The following CPEB4 variants were observed in gnomAD, a reference collection of about 807,000 sequenced individuals.
CPEB4 encodes the protein cytoplasmic polyadenylation element-binding protein 4.
Under a neutral mutation model 72.5 loss-of-function variants are expected in CPEB4, and 12 were observed. The observed-to-expected ratio is 0.17, with a 90% CI of 0.11 to 0.27. The LOEUF is 0.27. Among genes scored for constraint, CPEB4 ranks in the 10% least tolerant of loss-of-function variants. CPEB4 has a pLI of 1.00. For synonymous variants in CPEB4, 302 were observed against 326.3 expected, an observed-to-expected ratio of 0.93 and a Z score of 0.80; for missense variants, 614 against 908.5, an observed-to-expected ratio of 0.68 and a Z score of 4.17.
chr5:173,921,621 G>A (rs532032856), intron 2 of CPEB4, among the ~76,000 whole-genome samples: 154 of 152,260 alleles, frequency 1.0e-3, no homozygotes, highest in African/African-American at 3.5e-3. Flanking sequence ...GCCATCTGAC[G>A]AGATGGGTGC....
chr5:173,936,040 T>A (rs1434509851), intron 3 of CPEB4, among the ~76,000 whole-genome samples: 4 of 152,232 alleles, frequency 2.6e-5, no homozygotes, highest in Admixed American at 2.6e-4. Flanking sequence ...TTTTTCAATT[T>A]ATTGCTGTGT....
intron 2 of CPEB4, among the ~76,000 whole-genome samples, chr5:173,923,547 A>G (rs1232975228): frequency 2.0e-5 from 3 of 152,180 alleles, no homozygotes; most frequent in Non-Finnish European, 4.4e-5. Context: ...TTCTTTTAAT[A>G]TATGTCTCTT....
chr5:173,953,316 C>A, intron 9 of CPEB4, 44 bp downstream of exon 9: 1 of 1,368,704 alleles, frequency 7.3e-7, no homozygotes, highest in Non-Finnish European at 9.8e-7. Context: ...AAATGGTCCT[C>A]TAAATGTGTG....
chr5:173,937,111 C>T (rs898030586), intron 3 of CPEB4, among the ~76,000 whole-genome samples: 4 of 147,272 alleles, frequency 2.7e-5, no homozygotes, highest in Non-Finnish European at 4.5e-5. Context: ...GGCTCCATCT[C>T]GGCTCACTGT....
At chr5:173,933,387 C>T (rs1396519909) in intron 3 of CPEB4, among the ~76,000 whole-genome samples, 1 of 152,102 alleles carries the variant, frequency 6.6e-6, no homozygotes, top group Non-Finnish European at 1.5e-5. Context: ...ATAACTGGAT[C>T]TCCTTTTGAA....
rs756858481 is a variant in CPEB4, at chr5:173,950,015, A to G, written c.1602A>G (p.Ala534=). The G allele has an allele frequency of 6.2e-7, 1 of 1,612,502 alleles. No homozygotes were observed. The highest frequency in any genetic ancestry group is 2.2e-5 in the East Asian group (1 of 44,768). Reference sequence around the variant, plus strand: ...GCTCTGTGCAGGCTCTCATTGATGCATGCATTGAAGAAGATGGAAAACTCT... The same window carrying G: ...GCTCTGTGCAGGCTCTCATTGATGCGTGCATTGAAGAAGATGGAAAACTCT... The part of the protein sequence containing the change: ...DESSVQALID[A]CIEEDGKLYL... The change falls in exon 7 of 10, where the codon GCA becomes GCG. Residue 534 remains alanine, a synonymous_variant. Transcript: ENST00000265085. This position sits in a 1 kb window ranked among gnomAD's most constrained non-coding sequence, Gnocchi z 5.0.
At chr5:173,945,194 A>G in intron 5 of CPEB4, 54 bp downstream of exon 5, 1 of 1,465,270 alleles carries the variant, frequency 6.8e-7, no homozygotes, top group South Asian at 1.2e-5. Flanking sequence ...CATAGTAGGA[A>G]ACTCACAGAT....
chr5:173,946,620 T>A (rs982518881), intron 5 of CPEB4, among the ~76,000 whole-genome samples: 3 of 152,170 alleles, frequency 2.0e-5, no homozygotes, highest in African/African-American at 7.2e-5. Flanking sequence ...CCTGCAAGGT[T>A]AGGGGCATAG....
chr5:173,945,447 T>C (rs1225720637), intron 5 of CPEB4, among the ~76,000 whole-genome samples: 1 of 152,056 alleles, frequency 6.6e-6, no homozygotes, highest in Non-Finnish European at 1.5e-5. Context: ...TGTCTGTGTG[T>C]GCTACTTTGG....
rs1339187368 is a variant in CPEB4, at chr5:173,958,442, T to C, written c.*2305T>C. 1 of 152,164 alleles carries C rather than the reference T, an allele frequency of 6.6e-6. No individual in the cohort carries two copies. Among genetic ancestry groups the C allele is most frequent in the Non-Finnish European group, 1.5e-5 (1 of 67,944 alleles). 9.4% of individuals were successfully genotyped at this position (152,164 alleles called of 1,614,324 possible). On this transcript the variant is annotated 3_prime_UTR_variant, in exon 10 of 10. Coordinates refer to ENST00000265085, the MANE Select transcript of CPEB4 (RefSeq NM_030627.4). ...ATACTTCATTTTTTAATATAAATAATTTTAATAAATTTTATTTTCTTATAT... is the reference window on the plus strand; with the variant it reads ...ATACTTCATTTTTTAATATAAATAACTTTAATAAATTTTATTTTCTTATAT...
chr5:173,959,556 G>A lies in CPEB4; in HGVS notation c.*3419G>A, dbSNP rs991605564. 1.3e-5 allele frequency: 2 copies of A among 152,704 alleles called. No individual in the cohort carries two copies. The highest frequency in any genetic ancestry group is 4.8e-5 in the African/African-American group (2 of 41,444). The allele number at this position is 152,704 out of a possible 1,614,324, so 9.5% of individuals were successfully genotyped here. ...TGTGCAATACTTATTTCAAACTTTT[G>A]AAAGATCTTTGCAGTGTAATTCTTT... On this transcript the variant is annotated 3_prime_UTR_variant, in exon 10 of 10. Transcript: ENST00000265085.
intron 1 of CPEB4, among the ~76,000 whole-genome samples, chr5:173,899,844 G>A (rs959162541): frequency 7.2e-5 from 11 of 152,184 alleles, no homozygotes; most frequent in Admixed American, 7.2e-4. Context: ...TGATGCTTTT[G>A]AAGGGCCATG....
chr5:173,892,761 T>A (rs1270670622), intron 1 of CPEB4, among the ~76,000 whole-genome samples: 4 of 152,168 alleles, frequency 2.6e-5, no homozygotes, highest in Non-Finnish European at 5.9e-5. Flanking sequence ...TAATAGAGTG[T>A]GTGTTATGTG....
chr5:173,909,175 C>T (rs529993566), intron 1 of CPEB4, among the ~76,000 whole-genome samples: 16 of 152,184 alleles, frequency 1.1e-4, no homozygotes, highest in Non-Finnish European at 2.1e-4. Context: ...ACCCCACACT[C>T]TTCCTTCCCT....
At chr5:173,909,369 C>G (rs1041915977) in intron 1 of CPEB4, among the ~76,000 whole-genome samples, 1 of 152,130 alleles carries the variant, frequency 6.6e-6, no homozygotes, top group Non-Finnish European at 1.5e-5. Flanking sequence ...CCTAATAACA[C>G]GTTGCATTGG....
chr5:173,959,188 G>A lies in CPEB4; in HGVS notation c.*3051G>A, dbSNP rs764212541. Reference sequence around the variant, plus strand: ...AATTCACCAAGCATGTAGTTCTAGCGCACTAGCATGGCGCCAGCCATGTAC... The same window carrying A: ...AATTCACCAAGCATGTAGTTCTAGCACACTAGCATGGCGCCAGCCATGTAC... On this transcript the variant is annotated 3_prime_UTR_variant, in exon 10 of 10. Coordinates refer to ENST00000265085, the MANE Select transcript of CPEB4 (RefSeq NM_030627.4). 5 of 152,750 alleles carry A rather than the reference G, an allele frequency of 3.3e-5. No homozygotes were observed. Among genetic ancestry groups the A allele is most frequent in the African/African-American group, 7.2e-5 (3 of 41,448 alleles). The allele number at this position is 152,750 out of a possible 1,614,324, so 9.5% of individuals were successfully genotyped here.
At chr5:173,917,927 C>T (rs1400399727) in intron 2 of CPEB4, among the ~76,000 whole-genome samples, 1 of 152,184 alleles carries the variant, frequency 6.6e-6, no homozygotes, top group Non-Finnish European at 1.5e-5. Flanking sequence ...TGAAGCCTTC[C>T]TGAACTAGGC....
rs1038967405 is a variant in CPEB4, at chr5:173,944,868, A to G, written c.1283-99A>G. 4 of 986,898 alleles carry G rather than the reference A, an allele frequency of 4.1e-6. No homozygotes were observed. In the African/African-American group the frequency reaches 6.5e-5, roughly 16 times the overall value. 61.1% of individuals were successfully genotyped at this position (986,898 alleles called of 1,614,324 possible). A position where few individuals can be genotyped will look rare whatever the true frequency, so the allele number is the denominator to read the frequency against. On this transcript the variant is annotated intron_variant, in intron 4 of 9. Coordinates refer to ENST00000265085, the MANE Select transcript of CPEB4 (RefSeq NM_030627.4). ...ATTATTCAGTGAGAAAAATAAAAGC[A>G]GCAGTTTTATTGAATCTGCTGTTTC... is the stretch of plus-strand genomic sequence containing the variant.
Sources: allele counts gnomAD v4.1 joint callset (sites outside exome capture counted in the v4.1 genomes callset), GRCh38; gene constraint gnomAD v4.1.1; non-coding constraint Gnocchi (gnomAD v3.1); transcripts MANE v1.5; gene names NCBI Gene and HGNC (gene_info 2026-07-23, HGNC 2026-07-21).